Variants in AMOTL1 observed in about 807,000 individuals in gnomAD.
AMOTL1 encodes the protein angiomotin-like protein 1.
Under a neutral mutation model 102.9 loss-of-function variants are expected in AMOTL1, and 45 were observed. The observed-to-expected ratio is 0.44, with a 90% confidence interval of 0.34 to 0.56. The LOEUF is 0.56. Ranked by LOEUF, AMOTL1 falls within the 20% of genes least tolerant of loss-of-function variation. The pLI, the probability that AMOTL1 is intolerant of heterozygous loss-of-function variation, is 0.01. For missense variants in AMOTL1, 1,114 were observed against 1,225.6 expected (o/e 0.91, Z 1.36); for synonymous variants, 481 against 484.7 (o/e 0.99, Z 0.10).
chr11:94,791,879 G>T (rs1288868093), intron 1 of AMOTL1, among the ~76,000 whole-genome samples: 1 of 152,210 alleles, frequency 6.6e-6, no homozygotes, highest in Non-Finnish European at 1.5e-5. Flanking sequence ...AATTTGTGTT[G>T]CAGGAGTTCC....
At chr11:94,741,672 C>G (rs1950529291) in intron 3 of AMOTL1, among the ~76,000 whole-genome samples, 1 of 151,964 alleles carries the variant, frequency 6.6e-6, no homozygotes, top group Non-Finnish European at 1.5e-5. Context: ...CAGGATCTCT[C>G]TAACTCTTCC....
chr11:94,777,128 G>C (rs971973497), intron 1 of AMOTL1, among the ~76,000 whole-genome samples: 4 of 152,166 alleles, frequency 2.6e-5, no homozygotes, highest in Non-Finnish European at 5.9e-5. Flanking sequence ...TGAAATCACA[G>C]TAAGCTTCAA....
At chr11:94,858,690 C>T (rs1952714352) in intron 8 of AMOTL1, among the ~76,000 whole-genome samples, 1 of 152,196 alleles carries the variant, frequency 6.6e-6, no homozygotes, top group Admixed American at 6.5e-5. Flanking sequence ...TCTGACTGGG[C>T]CCCTAACCCT....
chr11:94,707,240 CTCTCTCTCTCTGTGTGTG>C (rs1424524789), intron 1 of AMOTL1, among the ~76,000 whole-genome samples: 15 of 86,908 alleles, frequency 1.7e-4, no homozygotes, highest in Non-Finnish European at 2.6e-4. Flanking sequence ...CTCTCTCTCT[CTCTCTCTCTCTGTGTGTG>C]TGTGTGTGTG....
In AMOTL1 at chr11:94,821,359, A is replaced by G. The variant is rs2033363; in HGVS notation, c.1122-171A>G. Among the ~76,000 whole-genome samples the G allele has an allele frequency of 0.25, 37,739 of 152,122 alleles. 5,263 individuals carry two copies. The highest frequency in any genetic ancestry group is 0.46 in the East Asian group (2,392 of 5,164). On this transcript the variant is annotated intron_variant, in intron 3 of 12. Coordinates refer to ENST00000433060, the MANE Select transcript of AMOTL1 (RefSeq NM_130847.3). ...GTCTGTCTTGTTCGCTGTTTCCCCAATAGCCGGAATGGTGCCAATTGAGAT... is the reference window on the plus strand; with the variant it reads ...GTCTGTCTTGTTCGCTGTTTCCCCAGTAGCCGGAATGGTGCCAATTGAGAT...
chr11:94,865,793 T>C (rs1952870272), intron 10 of AMOTL1, 149 bp from the exon 11 acceptor site: 4 of 688,626 alleles, frequency 5.8e-6, no homozygotes, highest in Non-Finnish European at 9.8e-6. Flanking sequence ...CTTAACAATT[T>C]GGAGATTATC....
At chr11:94,803,251 A>G (rs190431935) in intron 3 of AMOTL1, among the ~76,000 whole-genome samples, 9 of 152,368 alleles carry the variant, frequency 5.9e-5, no homozygotes, top group Admixed American at 3.9e-4. Flanking sequence ...GACTCACCAT[A>G]GCTTACAAAT....
chr11:94,862,203 G>A (rs530362774), intron 9 of AMOTL1, among the ~76,000 whole-genome samples: 1 of 152,064 alleles, frequency 6.6e-6, no homozygotes, highest in Non-Finnish European at 1.5e-5. Context: ...ACCCCTTCTG[G>A]GTGGGGGAAT....
chr11:94,726,299 T>G (rs1950256659), intron 1 of AMOTL1, among the ~76,000 whole-genome samples: 1 of 152,176 alleles, frequency 6.6e-6, no homozygotes, highest in South Asian at 2.1e-4. Context: ...ACAAATCTCC[T>G]TTGAGAGCTT....
chr11:94,772,910 A>G (rs754634421), intron 1 of AMOTL1, among the ~76,000 whole-genome samples: 6 of 152,206 alleles, frequency 3.9e-5, no homozygotes, highest in Non-Finnish European at 7.3e-5. Flanking sequence ...TAGGTGTTCT[A>G]GTAGGTGCTC....
intron 7 of AMOTL1, 117 bp downstream of exon 7, chr11:94,850,376 A>G: frequency 7.6e-7 from 1 of 1,324,148 alleles, no homozygotes; most frequent in South Asian, 1.6e-5. Context: ...GAGTTGAGAC[A>G]GGGGAGGGAT....
At chr11:94,832,122 T>C (rs1302900451) in intron 6 of AMOTL1, among the ~76,000 whole-genome samples, 2 of 152,246 alleles carry the variant, frequency 1.3e-5, no homozygotes, top group Non-Finnish European at 2.9e-5. Context: ...AGGCAAATGA[T>C]AGAATCAAAT....
At chr11:94,770,335 A>C (rs974144305) in intron 1 of AMOTL1, among the ~76,000 whole-genome samples, 1 of 152,128 alleles carries the variant, frequency 6.6e-6, no homozygotes, top group Non-Finnish European at 1.5e-5. Context: ...CTGTTAGTAA[A>C]GGGTGGAAAA....
intron 3 of AMOTL1, among the ~76,000 whole-genome samples, chr11:94,811,510 T>G (rs1445070890): frequency 6.6e-6 from 1 of 151,514 alleles, no homozygotes. Context: ...AAAAAAAAAA[T>G]TCTTTTTTTT....
chr11:94,804,080 A>C (rs1374670997), intron 3 of AMOTL1, among the ~76,000 whole-genome samples: 1 of 152,226 alleles, frequency 6.6e-6, no homozygotes, highest in Non-Finnish European at 1.5e-5. Flanking sequence ...TAGAGCGAAC[A>C]TCATCATGCA....
chr11:94,803,803 T>C lies in AMOTL1; in HGVS notation c.1121+3492T>C, dbSNP rs138648878. 3.3e-3 allele frequency among the ~76,000 whole-genome samples: 502 copies of C among 152,322 alleles called. 7 individuals carry two copies. In the South Asian group the frequency reaches 0.034, roughly 10 times the overall value. ...CATGCATATTTGTTTTCCAAAGAAA[T>C]CCATATTTCAAAACATTTGGGAACT... On this transcript the variant is annotated intron_variant, in intron 3 of 12. Transcript: ENST00000433060.
intron 1 of AMOTL1, among the ~76,000 whole-genome samples, chr11:94,708,619 T>C (rs1565321373): frequency 6.6e-6 from 1 of 152,196 alleles, no homozygotes; most frequent in African/African-American, 2.4e-5. Flanking sequence ...CTTCTTTCCT[T>C]CACTTTTAAG....
chr11:94,816,504 C>A (rs1410055303), intron 3 of AMOTL1, among the ~76,000 whole-genome samples: 1 of 152,138 alleles, frequency 6.6e-6, no homozygotes, highest in Non-Finnish European at 1.5e-5. Flanking sequence ...AAGATCTTTT[C>A]TTTTGCCTTT....
intron 1 of AMOTL1, among the ~76,000 whole-genome samples, chr11:94,725,839 T>C (rs945572792): frequency 6.6e-6 from 1 of 152,142 alleles, no homozygotes; most frequent in African/African-American, 2.4e-5. Flanking sequence ...TGTTAAATAG[T>C]CCAGACTTTC....
Sources: allele counts gnomAD v4.1 joint callset (sites outside exome capture counted in the v4.1 genomes callset), GRCh38; gene constraint gnomAD v4.1.1; transcripts MANE v1.5; gene names NCBI Gene and HGNC (gene_info 2026-07-23, HGNC 2026-07-21).